The following NRIP2 variants were observed in gnomAD, a reference collection of about 807,000 sequenced individuals.
NRIP2 encodes nuclear receptor-interacting protein 2.
Under a neutral mutation model 34.1 loss-of-function variants are expected in NRIP2, and 27 were observed. The observed-to-expected ratio is 0.79, with a 90% CI of 0.58 to 1.09. The LOEUF (loss-of-function observed/expected upper bound fraction) is 1.09. Ranked by LOEUF, NRIP2 falls within the 50% of genes least tolerant of loss-of-function variation. The pLI, the probability that NRIP2 is intolerant of heterozygous loss-of-function variation, is 0.00. For synonymous variants in NRIP2, 145 were observed against 146.9 expected, an observed-to-expected ratio of 0.99 and a Z score of 0.09; for missense variants, 385 against 352.6, an observed-to-expected ratio of 1.09 and a Z score of -0.74.
At chr12:2,832,317 A>C (rs993738032) in intron 1 of NRIP2, among the ~76,000 whole-genome samples, 10 of 151,958 alleles carry the variant, frequency 6.6e-5, no homozygotes, top group African/African-American at 1.9e-4. Context: ...CACAGTCCAC[A>C]TGACCGGGCC....
At position 2,827,609 on chromosome 12, in the gene NRIP2, T is replaced by A. The variant is rs747981625; in HGVS notation, c.753+16A>T. The A allele has an allele frequency of 4.3e-6, 7 of 1,614,194 alleles. No individual in the cohort carries two copies. The South Asian group carries it at 7.7e-5, about 18-fold the overall frequency. ...TTTCCCAGTGCTTTGGGTCAGGCCC[T>A]GAGTGGGTGCCTTACCTTGAGAGAA... On this transcript the variant is annotated intron_variant, in intron 5 of 5. Coordinates refer to ENST00000337508, the MANE Select transcript of NRIP2 (RefSeq NM_031474.3). The surrounding 1 kb of genome is among the most constrained non-coding windows in gnomAD (Gnocchi z 4.0).
Position 2,828,034 on chromosome 12 carries a change from C to T in NRIP2, c.592G>A (p.Val198Ile), listed in dbSNP as rs2097977875. The T allele has an allele frequency of 1.2e-6, 2 of 1,613,634 alleles. No individual in the cohort carries two copies. The highest frequency in any genetic ancestry group is 1.7e-6 in the Non-Finnish European group (2 of 1,179,874). ...AGGTCCCCAGCTGAGGCTTTTAGGA[C>T]CCTTTTCTCTAACCTGTGGTTGGGA... ...CLSRLGLEKR[V>I]LKASAGDLAP... Residue 198 changes from valine (V) to isoleucine (I), a missense_variant, in exon 4 of 6, where the codon GTC (valine) becomes ATC (isoleucine). Coordinates refer to ENST00000337508, the MANE Select transcript of NRIP2 (RefSeq NM_031474.3).
rs2098019808 is a variant in NRIP2 at position 2,834,731 on chromosome 12, G to A, written c.253C>T (p.Leu85Phe). The change falls in exon 1 of 6, where the codon CTC becomes TTC. Residue 85 changes from leucine (L) to phenylalanine (F), a missense_variant. Coordinates refer to ENST00000337508, the MANE Select transcript of NRIP2 (RefSeq NM_031474.3). The part of the protein sequence containing the change: ...DRAHLSQQRR[L>F]KQATQFLHKD... Reference sequence around the variant, plus strand: ...TGCAGGAACTGGGTGGCCTGTTTGAGCCGGCGCTGCTGGCTCAGGTGGGCT... The same window carrying A: ...TGCAGGAACTGGGTGGCCTGTTTGAACCGGCGCTGCTGGCTCAGGTGGGCT... 8 of 1,613,962 alleles carry A rather than the reference G, an allele frequency of 5.0e-6. No homozygotes were observed. The highest frequency in any genetic ancestry group is 6.8e-6 in the Non-Finnish European group (8 of 1,180,018).
In NRIP2 at chr12:2,834,971, A is replaced by C; in HGVS notation, c.13T>G (p.Phe5Val). 7 of 1,583,700 alleles carry C rather than the reference A, an allele frequency of 4.4e-6. No homozygotes were observed. The highest frequency in any genetic ancestry group is 6.0e-6 in the Non-Finnish European group (7 of 1,165,000). The change falls in exon 1 of 6, where the codon TTT (phenylalanine) becomes GTT (valine). Residue 5 changes from phenylalanine to valine, a missense_variant. Phe to Val is a conservative substitution (Grantham distance 50, BLOSUM62 -1). Transcript: ENST00000337508. ...GGTCTCCACGGGAGGGAAAGAGGAA[A>C]AATAAATAACATGCAGGAGCAGCCG... MLFIFPLSLPWRPSC... is the reference protein window; with the variant it reads MLFIVPLSLPWRPSC...
chr12:2,828,973 G>A (rs945329225), intron 2 of NRIP2, among the ~76,000 whole-genome samples: 4 of 152,120 alleles, frequency 2.6e-5, no homozygotes, highest in Non-Finnish European at 4.4e-5. Context: ...TTGGAGGCAA[G>A]AGGATCACTT....
intron 2 of NRIP2, chr12:2,830,492 G>A (rs1036564733): frequency 8.0e-6 from 4 of 498,894 alleles, no homozygotes; most frequent in Admixed American, 3.8e-5. Flanking sequence ...AGGAAGGGGG[G>A]CAGAGTAATG....
chr12:2,834,331 T>C (rs2098017584), intron 1 of NRIP2, among the ~76,000 whole-genome samples: 1 of 152,188 alleles, frequency 6.6e-6, no homozygotes, highest in African/African-American at 2.4e-5. Context: ...GTGACCACTC[T>C]AGAGGGTTCC....
intron 2 of NRIP2, among the ~76,000 whole-genome samples, chr12:2,829,682 G>C (rs559780015): frequency 1.3e-5 from 2 of 152,264 alleles, no homozygotes; most frequent in African/African-American, 4.8e-5. Flanking sequence ...TGGGAGGATC[G>C]CTTGAGTCCA....
chr12:2,826,891 C>T lies in NRIP2; in HGVS notation c.*316G>A. The T allele has an allele frequency of 3.3e-6, 3 of 919,490 alleles. No individual in the cohort carries two copies. Among genetic ancestry groups the T allele is most frequent in the Non-Finnish European group, 4.2e-6 (3 of 711,080 alleles). 57.0% of individuals were successfully genotyped at this position (919,490 alleles called of 1,614,324 possible). A position where few individuals can be genotyped will look rare whatever the true frequency, so the allele number is the denominator to read the frequency against. On this transcript the variant is annotated 3_prime_UTR_variant, in exon 6 of 6. Transcript: ENST00000337508. Reference sequence around the variant, plus strand: ...GCAGTCAGCAGAGCCTTCGACCCAGCCCAAGCAGGCACCCCATTGTGCTTA... The same window carrying T: ...GCAGTCAGCAGAGCCTTCGACCCAGTCCAAGCAGGCACCCCATTGTGCTTA...
At chr12:2,832,406 C>T (rs1565432577) in intron 1 of NRIP2, among the ~76,000 whole-genome samples, 1 of 151,908 alleles carries the variant, frequency 6.6e-6, no homozygotes, top group Non-Finnish European at 1.5e-5. Flanking sequence ...TCCATGTCTT[C>T]ACTCCTCTCT....
rs866628139 is a variant in NRIP2, at chr12:2,827,208, C to T, written c.845G>A (p.Ter282=). 6.2e-7 allele frequency: 1 copy of T among 1,614,142 alleles called. No homozygotes were observed. Among genetic ancestry groups the T allele is most frequent in the Non-Finnish European group, 8.5e-7 (1 of 1,180,026 alleles). ...TCTGGGGACTGACTGAGACAGCAGT[C>T]ACTGGCCAGGCTCTTGGTACAAAGG... ...FLPLYQEPGQ[*] Residue 282 remains the stop codon, a stop_retained_variant, in exon 6 of 6, where the codon TGA becomes TAA. Transcript: ENST00000337508. The surrounding 1 kb of genome is among the most constrained non-coding windows in gnomAD (Gnocchi z 4.0).
Position 2,834,728 on chromosome 12 carries a change from T to G in NRIP2, c.256A>C (p.Lys86Gln). The G allele has an allele frequency of 1.9e-6, 3 of 1,614,024 alleles. No individual in the cohort carries two copies. Among genetic ancestry groups the G allele is most frequent in the East Asian group, 2.2e-5 (1 of 44,862 alleles). Residue 86 changes from lysine to glutamine, a missense_variant, in exon 1 of 6, where the codon AAA (lysine) becomes CAA (glutamine). Physicochemically the swap from Lys to Gln is moderately conservative, Grantham distance 53. Transcript: ENST00000337508. ...TTGTGCAGGAACTGGGTGGCCTGTT[T>G]GAGCCGGCGCTGCTGGCTCAGGTGG... ...RAHLSQQRRL[K>Q]QATQFLHKDS...
Position 2,827,865 on chromosome 12 carries a change from G to C in NRIP2, c.700+61C>G. 2 of 1,611,518 alleles carry C rather than the reference G, an allele frequency of 1.2e-6. No homozygotes were observed. The highest frequency in any genetic ancestry group is 1.7e-6 in the Non-Finnish European group (2 of 1,179,542). Reference sequence around the variant, plus strand: ...GCAGGGAGTGAAAGTCTCAGCCTTTGCCCCACCCCAAAGAGAAAGGTGAGG... The same window carrying C: ...GCAGGGAGTGAAAGTCTCAGCCTTTCCCCCACCCCAAAGAGAAAGGTGAGG... On this transcript the variant is annotated intron_variant, in intron 4 of 5. Coordinates refer to ENST00000337508, the MANE Select transcript of NRIP2 (RefSeq NM_031474.3). The surrounding 1 kb of genome is among the most constrained non-coding windows in gnomAD (Gnocchi z 4.0).
chr12:2,830,826 T>G lies in NRIP2; in HGVS notation c.377A>C (p.Glu126Ala). 1 of 1,613,736 alleles carries G rather than the reference T, an allele frequency of 6.2e-7. No homozygotes were observed. The highest frequency in any genetic ancestry group is 8.5e-7 in the Non-Finnish European group (1 of 1,179,848). ...PRSVIQRRLV[E>A]GNPNWLQGEP... ...CCCCTGAAGCCAATTCGGGTTTCCC[T>G]CCACCAGGCGTCTTTGGATCACACT... Residue 126 changes from glutamate to alanine, a missense_variant, in exon 2 of 6, where the codon GAG (glutamate) becomes GCG (alanine). Glu to Ala is a moderately radical substitution (Grantham distance 107, BLOSUM62 -1). Coordinates refer to ENST00000337508, the MANE Select transcript of NRIP2 (RefSeq NM_031474.3).
At chr12:2,832,310 A>G (rs150549501) in intron 1 of NRIP2, among the ~76,000 whole-genome samples, 3 of 152,096 alleles carry the variant, frequency 2.0e-5, no homozygotes, top group Non-Finnish European at 4.4e-5. Flanking sequence ...GGTGATCCAC[A>G]GTCCACATGA....
At chr12:2,830,422 T>G in intron 2 of NRIP2, 1 of 300,888 alleles carries the variant, frequency 3.3e-6, no homozygotes, top group Non-Finnish European at 6.1e-6. Flanking sequence ...ACACACACCA[T>G]TTGTCTGTGT....
chr12:2,827,078 G>A lies in NRIP2; in HGVS notation c.*129C>T. On this transcript the variant is annotated 3_prime_UTR_variant, in exon 6 of 6. Coordinates refer to ENST00000337508, the MANE Select transcript of NRIP2 (RefSeq NM_031474.3). The surrounding 1 kb of genome is among the most constrained non-coding windows in gnomAD (Gnocchi z 4.0). ...CCAGCTGGGGAAAATGGGACAGCAG[G>A]GGTCAGGGAGGTGATTGGAAGGGCA... 1 of 1,508,392 alleles carries A rather than the reference G, an allele frequency of 6.6e-7. No homozygotes were observed. Among genetic ancestry groups the A allele is most frequent in the Non-Finnish European group, 8.8e-7 (1 of 1,137,158 alleles). 93.4% of individuals were successfully genotyped at this position (1,508,392 alleles called of 1,614,324 possible). A position where few individuals can be genotyped will look rare whatever the true frequency, so the allele number is the denominator to read the frequency against.
Position 2,825,354 on chromosome 12 carries a change from A to C in NRIP2, c.*1853T>G, listed in dbSNP as rs2097961390. ...CCAGAGAAGAACATCGACATAGAGA[A>C]ACAAGAGTTTATTCCAATGGAGAAG... is the stretch of plus-strand genomic sequence containing the variant. On this transcript the variant is annotated 3_prime_UTR_variant, in exon 6 of 6. Coordinates refer to ENST00000337508, the MANE Select transcript of NRIP2 (RefSeq NM_031474.3). The C allele has an allele frequency of 1.3e-5, 2 of 152,320 alleles. No individual in the cohort carries two copies. Among genetic ancestry groups the C allele is most frequent in the African/African-American group, 4.8e-5 (2 of 41,478 alleles). The allele number at this position is 152,320 out of a possible 1,614,324, so 9.4% of individuals were successfully genotyped here.
rs1320008509 is a variant in NRIP2 at position 2,830,686 on chromosome 12, G to A, written c.495+22C>T. On this transcript the variant is annotated intron_variant, in intron 2 of 5. Transcript: ENST00000337508. ...TGCAGGCAGGGTTGTTAATGAAAGTGTGTCCCTGGGAGGCCTCTCACCTTG... is the reference window on the plus strand; with the variant it reads ...TGCAGGCAGGGTTGTTAATGAAAGTATGTCCCTGGGAGGCCTCTCACCTTG... The A allele has an allele frequency of 3.1e-6, 5 of 1,595,750 alleles. No homozygotes were observed. In the East Asian group the frequency reaches 1.1e-4, roughly 36 times the overall value.
Sources: gnomAD v4.1 joint callset for allele counts (sites outside exome capture counted in the v4.1 genomes callset) on GRCh38, gnomAD v4.1.1 for gene constraint, Gnocchi (gnomAD v3.1) non-coding constraint, MANE v1.5 for transcripts, NCBI Gene and HGNC (gene_info 2026-07-23, HGNC 2026-07-21) for gene names.